DPP10: variants seen among roughly 807,000 people sequenced by gnomAD.
DPP10 encodes the protein inactive dipeptidyl peptidase 10.
Under a neutral mutation model 120.9 loss-of-function variants are expected in DPP10, and 33 were observed. The ratio of observed to expected loss-of-function variants is 0.27; its 90% confidence interval spans 0.21 to 0.37. The LOEUF (loss-of-function observed/expected upper bound fraction) is 0.37, where lower values mean the gene tolerates loss of function less well. DPP10 is among the 10% of genes least tolerant of loss of function. The probability of loss-of-function intolerance (pLI) is 1.00; values close to 1 mark genes in which losing one functional copy is unlikely to be tolerated. For synonymous variants in DPP10, 337 were observed against 326.1 expected, an observed-to-expected ratio of 1.03 and a Z score of -0.36; for missense variants, 816 against 942.8, an observed-to-expected ratio of 0.87 and a Z score of 1.76.
rs79099837 is a variant in DPP10, at chr2:114,923,928, C to T, written c.61-385311C>T. On this transcript the variant is annotated intron_variant, in intron 1 of 25. Transcript: ENST00000410059. ...TTATAGAGACAGGGTCTTGTTATAT[C>T]GCCCTGGTTGGTCTTGAACTCCTTG... Among the ~76,000 whole-genome samples, 1,370 of 152,172 alleles carry T rather than the reference C, an allele frequency of 9.0e-3. 21 individuals carry two copies. The highest frequency in any genetic ancestry group is 0.032 in the African/African-American group (1,314 of 41,516).
intron 1 of DPP10, among the ~76,000 whole-genome samples, chr2:114,968,398 T>C (rs1422454612): frequency 6.6e-6 from 1 of 152,210 alleles, no homozygotes; most frequent in African/African-American, 2.4e-5. Context: ...ATTATATTAT[T>C]AATTTTTACA....
intron 3 of DPP10, among the ~76,000 whole-genome samples, chr2:115,403,616 C>T (rs1030283612): frequency 1.3e-5 from 2 of 151,940 alleles, no homozygotes; most frequent in African/African-American, 4.8e-5. Flanking sequence ...CCCATTCTGG[C>T]CTCTAACTCC....
At chr2:115,718,962 A>G (rs1369252231) in intron 7 of DPP10, among the ~76,000 whole-genome samples, 2 of 152,194 alleles carry the variant, frequency 1.3e-5, no homozygotes, top group South Asian at 2.1e-4. Flanking sequence ...AATAACAGTT[A>G]TAATATTGAT....
chr2:115,234,198 T>C (rs909961555), intron 1 of DPP10, among the ~76,000 whole-genome samples: 3 of 152,124 alleles, frequency 2.0e-5, no homozygotes, highest in Non-Finnish European at 4.4e-5. Flanking sequence ...TGGCTCTCTC[T>C]CCCTCTCTCT....
At chr2:114,749,276 T>G (rs189261608) in intron 1 of DPP10, among the ~76,000 whole-genome samples, 171 of 151,984 alleles carry the variant, frequency 1.1e-3, no homozygotes, top group African/African-American at 4.0e-3. Flanking sequence ...GTAAATTTGT[T>G]TGAGTTCATT....
chr2:115,592,930 A>C (rs2082761037), intron 5 of DPP10, among the ~76,000 whole-genome samples: 1 of 152,172 alleles, frequency 6.6e-6, no homozygotes, highest in Non-Finnish European at 1.5e-5. Context: ...TGAAATAAAT[A>C]TATTTTTGGA....
At chr2:115,766,242 A>G (rs1032114196) in intron 12 of DPP10, among the ~76,000 whole-genome samples, 3 of 150,042 alleles carry the variant, frequency 2.0e-5, no homozygotes, top group Admixed American at 1.3e-4. Context: ...ATTGATGAAT[A>G]GATGAATGTA....
At chr2:115,308,642 T>A (rs2061455017) in intron 1 of DPP10, among the ~76,000 whole-genome samples, 1 of 151,566 alleles carries the variant, frequency 6.6e-6, no homozygotes, top group African/African-American at 2.4e-5. Context: ...CAAGACAGTG[T>A]CATTAACCAC....
intron 1 of DPP10, among the ~76,000 whole-genome samples, chr2:114,541,248 C>CG (rs1399511539): frequency 6.6e-6 from 1 of 152,134 alleles, no homozygotes; most frequent in Non-Finnish European, 1.5e-5. Context: ...CTGACATACT[C>CG]GGGGGGTCTG....
At chr2:115,129,936 A>G (rs1347271722) in intron 1 of DPP10, among the ~76,000 whole-genome samples, 1 of 152,180 alleles carries the variant, frequency 6.6e-6, no homozygotes, top group African/African-American at 2.4e-5. Context: ...GGCACGTGGT[A>G]TATAGACATC....
intron 1 of DPP10, among the ~76,000 whole-genome samples, chr2:115,205,699 A>G (rs990136452): frequency 6.6e-6 from 1 of 152,124 alleles, no homozygotes; most frequent in Non-Finnish European, 1.5e-5. Flanking sequence ...ATGCGGCCGT[A>G]AAAAAGAATG....
At chr2:114,791,584 G>C (rs1683245978) in intron 1 of DPP10, among the ~76,000 whole-genome samples, 1 of 149,106 alleles carries the variant, frequency 6.7e-6, no homozygotes, top group African/African-American at 2.5e-5. Flanking sequence ...GTTTTCTCTG[G>C]AAAAAAAAAA....
intron 1 of DPP10, among the ~76,000 whole-genome samples, chr2:114,501,095 G>C (rs188345659): frequency 1.3e-3 from 195 of 152,268 alleles, no homozygotes; most frequent in Middle Eastern, 6.8e-3. Flanking sequence ...TTTTCTTTAG[G>C]AAGGATTATA....
At chr2:115,350,411 A>G (rs1266669751) in intron 3 of DPP10, among the ~76,000 whole-genome samples, 2 of 152,074 alleles carry the variant, frequency 1.3e-5, no homozygotes, top group Admixed American at 1.3e-4. Context: ...CAAATTTTCA[A>G]CAGGCATTCT....
intron 1 of DPP10, among the ~76,000 whole-genome samples, chr2:115,090,848 G>A (rs546188589): frequency 1.3e-5 from 2 of 152,226 alleles, no homozygotes; most frequent in East Asian, 3.9e-4. Context: ...GGCCGGAGGG[G>A]AGGGTTATCT....
chr2:115,436,415 A>T lies in DPP10; in HGVS notation c.272-63095A>T, dbSNP rs936240554. 9.9e-5 allele frequency among the ~76,000 whole-genome samples: 15 copies of T among 151,152 alleles called. No individual in the cohort carries two copies. The Middle Eastern group carries it at 0.014, about 139-fold the overall frequency. On this transcript the variant is annotated intron_variant, in intron 3 of 25. Coordinates refer to ENST00000410059, the MANE Select transcript of DPP10 (RefSeq NM_020868.6). ...TTGCAAAAAGATTTTTTTTTTAATT[A>T]TCAGGTATTAAAGACAACTGAGAAG...
At chr2:115,360,216 C>T (rs1041618034) in intron 3 of DPP10, among the ~76,000 whole-genome samples, 2 of 152,210 alleles carry the variant, frequency 1.3e-5, no homozygotes, top group Non-Finnish European at 2.9e-5. Context: ...CTGATTCCTT[C>T]TTATCTGAGA....
intron 1 of DPP10, among the ~76,000 whole-genome samples, chr2:114,459,940 G>C (rs1678786297): frequency 6.6e-6 from 1 of 152,106 alleles, no homozygotes; most frequent in Non-Finnish European, 1.5e-5. Flanking sequence ...TTATTCCTTG[G>C]TAGACATGAA....
At chr2:114,732,357 T>A (rs1677002820) in intron 1 of DPP10, among the ~76,000 whole-genome samples, 1 of 152,148 alleles carries the variant, frequency 6.6e-6, no homozygotes, top group African/African-American at 2.4e-5. Context: ...GTCCTTAATT[T>A]TGAGGTCAGA....
Sources: allele counts gnomAD v4.1 joint callset (sites outside exome capture counted in the v4.1 genomes callset), GRCh38; gene constraint gnomAD v4.1.1; transcripts MANE v1.5; gene names NCBI Gene and HGNC (gene_info 2026-07-23, HGNC 2026-07-21).